Variants in MYO16 observed in about 807,000 individuals in gnomAD.
MYO16 encodes the protein myosin XVI.
A neutral mutation model predicts 205.3 loss-of-function variants in MYO16; 94 were observed. That is an observed-to-expected ratio of 0.46 (90% CI 0.39 to 0.54). The LOEUF (loss-of-function observed/expected upper bound fraction) is 0.54. MYO16 is among the 20% of genes least tolerant of loss of function. The pLI, the probability that MYO16 is intolerant of heterozygous loss-of-function variation, is 0.00. For synonymous variants in MYO16, 988 were observed against 954.0 expected (o/e 1.04, Z -0.66); for missense variants, 2,315 against 2,387.5 (o/e 0.97, Z 0.63).
intron 4 of MYO16, among the ~76,000 whole-genome samples, chr13:108,738,945 G>T (rs911421893): frequency 3.3e-5 from 5 of 152,084 alleles, no homozygotes; most frequent in Non-Finnish European, 7.4e-5. Context: ...TTTTATCAGA[G>T]ACTAGGATTG....
chr13:108,965,038 A>G, intron 20 of MYO16, 136 bp downstream of exon 20: 1 of 964,844 alleles, frequency 1.0e-6, no homozygotes, highest in Non-Finnish European at 1.5e-6. Flanking sequence ...TTAACAAGGT[A>G]ATCTGACTTG....
At chr13:108,787,021 G>A (rs375294527) in intron 5 of MYO16, among the ~76,000 whole-genome samples, 8 of 152,188 alleles carry the variant, frequency 5.3e-5, no homozygotes, top group Admixed American at 3.9e-4. Flanking sequence ...GCCAGACTTC[G>A]CATGTGGCCT....
chr13:108,920,640 G>A (rs1881706280), intron 16 of MYO16, among the ~76,000 whole-genome samples: 1 of 152,080 alleles, frequency 6.6e-6, no homozygotes, highest in South Asian at 2.1e-4. Context: ...TGTATTATTA[G>A]TAGAGACGGG....
At chr13:108,714,782 C>A (rs1883877593) in intron 3 of MYO16, among the ~76,000 whole-genome samples, 1 of 152,108 alleles carries the variant, frequency 6.6e-6, no homozygotes, top group Non-Finnish European at 1.5e-5. Flanking sequence ...TAGATAGTAT[C>A]TGACTTTTAA....
chr13:109,185,659 T>C (rs1374614672), intron 34 of MYO16, among the ~76,000 whole-genome samples: 1 of 152,232 alleles, frequency 6.6e-6, no homozygotes, highest in South Asian at 2.1e-4. Context: ...TCACCTTTAA[T>C]AAGTCTTAAC....
intron 23 of MYO16, among the ~76,000 whole-genome samples, chr13:109,023,576 T>TATATTTATATATACAAATATAAATGTAC (rs1013761862): frequency 3.2e-5 from 4 of 125,594 alleles, no homozygotes; most frequent in African/African-American, 9.1e-5. Context: ...AATACATGTA[T>TATATTTATATATACAAATATAAATGTAC]ATATTTATAT....
intron 23 of MYO16, among the ~76,000 whole-genome samples, chr13:109,036,456 T>G (rs1886720846): frequency 6.6e-6 from 1 of 152,202 alleles, no homozygotes; most frequent in African/African-American, 2.4e-5. Flanking sequence ...ATTTATCTTT[T>G]AATTGTATTT....
intron 34 of MYO16, chr13:109,201,435 T>A (rs1466969205): frequency 6.7e-6 from 1 of 148,976 alleles, no homozygotes; most frequent in Non-Finnish European, 1.5e-5. Flanking sequence ...CTAATTCCAG[T>A]GTTGTTAATT....
intron 23 of MYO16, among the ~76,000 whole-genome samples, chr13:109,027,975 A>T (rs1327529316): frequency 6.6e-6 from 1 of 152,144 alleles, no homozygotes. Flanking sequence ...AGTGTCCTTG[A>T]CTTGTTTAAA....
chr13:108,736,802 G>A (rs1474332952), intron 4 of MYO16, among the ~76,000 whole-genome samples: 1 of 152,048 alleles, frequency 6.6e-6, no homozygotes, highest in African/African-American at 2.4e-5. Context: ...ATTTGTTTGT[G>A]TCCTCTTATT....
chr13:108,769,065 G>T (rs1409413980), intron 4 of MYO16, among the ~76,000 whole-genome samples: 1 of 152,078 alleles, frequency 6.6e-6, no homozygotes. Context: ...GCACCCAAAG[G>T]ATATTCTCTC....
At chr13:108,742,895 G>T (rs1884952643) in intron 4 of MYO16, among the ~76,000 whole-genome samples, 1 of 152,098 alleles carries the variant, frequency 6.6e-6, no homozygotes, top group Admixed American at 6.6e-5. Context: ...GTTTTTATAG[G>T]GAATGGTCTC....
intron 27 of MYO16, among the ~76,000 whole-genome samples, chr13:109,070,640 A>G (rs1442889875): frequency 6.6e-6 from 1 of 152,214 alleles, no homozygotes; most frequent in Non-Finnish European, 1.5e-5. Flanking sequence ...TTTCTCCCCA[A>G]AAAAGCACCC....
intron 29 of MYO16, among the ~76,000 whole-genome samples, chr13:109,124,312 A>G (rs12428694): frequency 0.015 from 2,277 of 152,286 alleles, 31 homozygotes; most frequent in South Asian, 0.029. Flanking sequence ...AAGCTTGGGG[A>G]CATATGAGCC....
At chr13:108,932,423 G>T (rs930492005) in intron 16 of MYO16, among the ~76,000 whole-genome samples, 6 of 152,180 alleles carry the variant, frequency 3.9e-5, no homozygotes, top group Non-Finnish European at 8.8e-5. Context: ...GGTCTTGTGT[G>T]GCCTAGGTCA....
At chr13:108,959,845 A>C (rs1179065860) in intron 17 of MYO16, among the ~76,000 whole-genome samples, 1 of 152,134 alleles carries the variant, frequency 6.6e-6, no homozygotes, top group Non-Finnish European at 1.5e-5. Context: ...ACTGTAATGC[A>C]CATTATAGCT....
chr13:108,913,534 CTGTT>C (rs1459822801), intron 16 of MYO16, among the ~76,000 whole-genome samples: 6 of 152,174 alleles, frequency 3.9e-5, no homozygotes, highest in Admixed American at 1.3e-4. Flanking sequence ...GTTTTGGAAA[CTGTT>C]TGGCTTGTTC....
chr13:108,874,859 C>T (rs955878482), intron 12 of MYO16, among the ~76,000 whole-genome samples: 4 of 152,126 alleles, frequency 2.6e-5, no homozygotes, highest in East Asian at 3.9e-4. Context: ...TAGCATAGTG[C>T]GAAACCAGCA....
intron 23 of MYO16, among the ~76,000 whole-genome samples, chr13:109,023,670 A>AATATATGTATATATACATATGTATGT (rs1886222966): frequency 1.5e-5 from 1 of 64,886 alleles, no homozygotes; most frequent in South Asian, 6.7e-4. Flanking sequence ...TATATATGCA[A>AATATATGTATATATACATATGTATGT]ATATATGTAT....
Sources: gnomAD v4.1 joint callset for allele counts (sites outside exome capture counted in the v4.1 genomes callset) on GRCh38, gnomAD v4.1.1 for gene constraint, MANE v1.5 for transcripts, NCBI Gene and HGNC (gene_info 2026-07-23, HGNC 2026-07-21) for gene names.